The following LRRC7 variants were observed in gnomAD, a reference collection of about 807,000 sequenced individuals.
LRRC7 encodes the protein leucine rich repeat containing 7.
In LRRC7, 23 loss-of-function variants were observed where a neutral mutation model predicts 175.7. The ratio of observed to expected loss-of-function variants is 0.13; its 90% CI spans 0.09 to 0.19. The LOEUF (loss-of-function observed/expected upper bound fraction) is 0.19. Ranked by LOEUF, LRRC7 falls within the 10% of genes least tolerant of loss-of-function variation. The pLI, the probability that LRRC7 is intolerant of heterozygous loss-of-function variation, is 1.00. For missense variants in LRRC7, 1,354 were observed against 1,904.7 expected, an observed-to-expected ratio of 0.71 and a Z score of 5.38; for synonymous variants, 685 against 680.9, an observed-to-expected ratio of 1.01 and a Z score of -0.09.
At chr1:69,984,118 G>T (rs978954016) in intron 9 of LRRC7, among the ~76,000 whole-genome samples, 1 of 152,104 alleles carries the variant, frequency 6.6e-6, no homozygotes, top group Admixed American at 6.6e-5. Context: ...TAGAGACGGG[G>T]TTTCACCATG....
chr1:69,982,759 G>C (rs967613764), intron 9 of LRRC7, among the ~76,000 whole-genome samples: 1 of 152,022 alleles, frequency 6.6e-6, no homozygotes, highest in Non-Finnish European at 1.5e-5. Flanking sequence ...TCTTTTACTT[G>C]TGGCTTCTAC....
chr1:69,939,033 A>ATATATG (rs1553178495), intron 8 of LRRC7, among the ~76,000 whole-genome samples: 33 of 69,284 alleles, frequency 4.8e-4, no homozygotes, highest in African/African-American at 1.2e-3. Context: ...ATATATATCT[A>ATATATG]TATATATCTA....
intron 7 of LRRC7, among the ~76,000 whole-genome samples, chr1:69,870,821 T>C (rs1685456413): frequency 1.3e-5 from 2 of 152,178 alleles, no homozygotes; most frequent in Non-Finnish European, 2.9e-5. Context: ...TAGATAATTA[T>C]GCTTCCATTT....
At chr1:70,099,986 T>G (rs896258634) in intron 25 of LRRC7, among the ~76,000 whole-genome samples, 4 of 152,144 alleles carry the variant, frequency 2.6e-5, no homozygotes, top group African/African-American at 9.6e-5. Flanking sequence ...ATATGATTAT[T>G]GACTTTTAAA....
At chr1:69,760,958 C>CAT (rs994584805) in intron 3 of LRRC7, among the ~76,000 whole-genome samples, 1 of 111,288 alleles carries the variant, frequency 9.0e-6, no homozygotes, top group African/African-American at 3.8e-5. Context: ...ACTTTGTGCA[C>CAT]ATACACACAC....
intron 7 of LRRC7, among the ~76,000 whole-genome samples, chr1:69,928,298 T>C (rs558199809): frequency 2.0e-5 from 3 of 152,302 alleles, no homozygotes; most frequent in African/African-American, 7.2e-5. Flanking sequence ...TTCTCAGATC[T>C]CCAGCTGCGT....
At chr1:70,066,487 A>G (rs1414376270) in intron 23 of LRRC7, among the ~76,000 whole-genome samples, 1 of 152,020 alleles carries the variant, frequency 6.6e-6, no homozygotes, top group Non-Finnish European at 1.5e-5. Flanking sequence ...GTCTGTATGT[A>G]TGTAACCTTT....
Position 70,129,012 on chromosome 1 carries a change from G to A in LRRC7, c.*7125G>A, listed in dbSNP as rs534141548. ...TGTAATCCCAGCACTTAGGGAGGCC[G>A]AGGCAGGTGGATCACTTGAGGTCAG... is the stretch of plus-strand genomic sequence containing the variant. On this transcript the variant is annotated 3_prime_UTR_variant, in exon 27 of 27. Coordinates refer to ENST00000651989, the MANE Select transcript of LRRC7 (RefSeq NM_001370785.2). Among the ~76,000 whole-genome samples, 7 of 152,162 alleles carry A rather than the reference G, an allele frequency of 4.6e-5. No homozygotes were observed. Among genetic ancestry groups the A allele is most frequent in the South Asian group, 4.2e-4 (2 of 4,816 alleles).
intron 6 of LRRC7, among the ~76,000 whole-genome samples, chr1:69,837,870 T>C (rs2101353374): frequency 6.6e-6 from 1 of 151,484 alleles, no homozygotes; most frequent in South Asian, 2.1e-4. Context: ...AAAAAAAAAT[T>C]TGGACATAGC....
rs752121027 is a variant in LRRC7 at position 69,723,850 on chromosome 1, T to C, written c.101-36341T>C. 2.4e-4 allele frequency among the ~76,000 whole-genome samples: 36 copies of C among 152,286 alleles called. 1 individual carries two copies. The highest frequency in any genetic ancestry group is 3.5e-4 in the Non-Finnish European group (24 of 68,014). Reference sequence around the variant, plus strand: ...GCAAGAGAGTCTCTGGGGTCGTTTTTATATGGACATTAATCCCATTTTTGA... The same window carrying C: ...GCAAGAGAGTCTCTGGGGTCGTTTTCATATGGACATTAATCCCATTTTTGA... On this transcript the variant is annotated intron_variant, in intron 2 of 26. Coordinates refer to ENST00000651989, the MANE Select transcript of LRRC7 (RefSeq NM_001370785.2).
At chr1:69,648,890 G>A (rs1262156475) in intron 1 of LRRC7, among the ~76,000 whole-genome samples, 1 of 152,126 alleles carries the variant, frequency 6.6e-6, no homozygotes, top group Non-Finnish European at 1.5e-5. Context: ...AGCACAAATA[G>A]TATATTTAAA....
At chr1:69,658,430 G>C (rs1656965839) in intron 1 of LRRC7, among the ~76,000 whole-genome samples, 2 of 151,916 alleles carry the variant, frequency 1.3e-5, no homozygotes, top group Non-Finnish European at 2.9e-5. Flanking sequence ...ATTTTTAAGT[G>C]AGTTGCCACA....
At chr1:70,053,914 G>A (rs1571187815) in intron 23 of LRRC7, among the ~76,000 whole-genome samples, 1 of 152,032 alleles carries the variant, frequency 6.6e-6, no homozygotes, top group Admixed American at 6.6e-5. Flanking sequence ...ATCAATCAGG[G>A]AAATGCAAAA....
intron 7 of LRRC7, among the ~76,000 whole-genome samples, chr1:69,913,547 T>C (rs1646596130): frequency 4.6e-5 from 7 of 152,138 alleles, no homozygotes. Flanking sequence ...GTTTCACTCT[T>C]GTTGCCCAGG....
chr1:69,782,502 C>A (rs1010906101), intron 3 of LRRC7, among the ~76,000 whole-genome samples: 1 of 152,098 alleles, frequency 6.6e-6, no homozygotes, highest in Admixed American at 6.5e-5. Flanking sequence ...CAGCTGGAGA[C>A]TGGTATTTGT....
At chr1:69,956,183 C>T (rs2101833512) in intron 8 of LRRC7, among the ~76,000 whole-genome samples, 1 of 152,008 alleles carries the variant, frequency 6.6e-6, no homozygotes, top group East Asian at 1.9e-4. Context: ...TATTATTTTA[C>T]ACAATTTCTT....
chr1:70,071,857 T>A (rs1296709968), intron 23 of LRRC7, among the ~76,000 whole-genome samples: 1 of 152,194 alleles, frequency 6.6e-6, no homozygotes, highest in Non-Finnish European at 1.5e-5. Context: ...CACTCTTTTT[T>A]AAAAGACCAG....
At chr1:69,952,374 T>C (rs1487941986) in intron 8 of LRRC7, among the ~76,000 whole-genome samples, 1 of 152,044 alleles carries the variant, frequency 6.6e-6, no homozygotes, top group Admixed American at 6.6e-5. Flanking sequence ...ATTATATGGG[T>C]GGATTAGGAG....
intron 3 of LRRC7, among the ~76,000 whole-genome samples, chr1:69,772,701 T>C (rs1436273889): frequency 6.6e-6 from 1 of 152,200 alleles, no homozygotes; most frequent in Non-Finnish European, 1.5e-5. Context: ...TCAGACTATG[T>C]TTTGTAGGCA....
Sources: allele counts gnomAD v4.1 joint callset (sites outside exome capture counted in the v4.1 genomes callset), GRCh38; gene constraint gnomAD v4.1.1; transcripts MANE v1.5; gene names NCBI Gene and HGNC (gene_info 2026-07-23, HGNC 2026-07-21).